The following DAB1 variants were observed in gnomAD, a reference collection of about 807,000 sequenced individuals.
DAB1 encodes the protein disabled homolog 1.
In DAB1, 15 loss-of-function variants were observed where a neutral mutation model predicts 64.6. The observed-to-expected ratio is 0.23, with a 90% CI of 0.16 to 0.36. The LOEUF is 0.36. Ranked by LOEUF, DAB1 falls within the 10% of genes least tolerant of loss-of-function variation. DAB1 has a pLI of 1.00. For synonymous variants in DAB1, 235 were observed against 251.9 expected, an observed-to-expected ratio of 0.93 and a Z score of 0.64; for missense variants, 596 against 706.7, an observed-to-expected ratio of 0.84 and a Z score of 1.78.
chr1:57,328,174 G>T (rs1676338400), intron 1 of DAB1, among the ~76,000 whole-genome samples: 1 of 152,214 alleles, frequency 6.6e-6, no homozygotes, highest in Non-Finnish European at 1.5e-5. Context: ...CTTCTGAGAG[G>T]TGGGTAGGTC....
chr1:58,243,456 A>C (rs1246932702), intron 4 of DAB1, among the ~76,000 whole-genome samples: 1 of 152,102 alleles, frequency 6.6e-6, no homozygotes, highest in Non-Finnish European at 1.5e-5. Context: ...TTGCTAAATA[A>C]ATGAAAAGGT....
intron 2 of DAB1, among the ~76,000 whole-genome samples, chr1:57,272,018 A>C (rs1219799146): frequency 6.6e-6 from 1 of 152,230 alleles, no homozygotes; most frequent in Non-Finnish European, 1.5e-5. Context: ...AAGTCTGAAC[A>C]CAGGGAGAAA....
At chr1:58,397,477 G>C (rs1644533101) in intron 3 of DAB1, among the ~76,000 whole-genome samples, 1 of 152,088 alleles carries the variant, frequency 6.6e-6, no homozygotes, top group Non-Finnish European at 1.5e-5. Flanking sequence ...TCAACCCTCA[G>C]ATCTCCCTGA....
chr1:57,354,954 T>C (rs188833459), intron 1 of DAB1, among the ~76,000 whole-genome samples: 13 of 152,282 alleles, frequency 8.5e-5, no homozygotes, highest in African/African-American at 3.1e-4. Context: ...CCATCAGCCC[T>C]GTCTTCTCCA....
intron 4 of DAB1, among the ~76,000 whole-genome samples, chr1:58,177,050 G>T (rs904362512): frequency 1.3e-5 from 2 of 151,668 alleles, no homozygotes; most frequent in Non-Finnish European, 2.9e-5. Flanking sequence ...TGAATTTTTT[G>T]GGGTACAGAC....
intron 1 of DAB1, among the ~76,000 whole-genome samples, chr1:57,306,055 A>T (rs1449969261): frequency 6.6e-6 from 1 of 152,112 alleles, no homozygotes; most frequent in African/African-American, 2.4e-5. Flanking sequence ...TAAGCAGTGT[A>T]TACATTCCCC....
At chr1:57,098,013 G>C (rs1329830236) in intron 4 of DAB1, among the ~76,000 whole-genome samples, 3 of 152,074 alleles carry the variant, frequency 2.0e-5, no homozygotes, top group Non-Finnish European at 4.4e-5. Context: ...TCCTGACCTT[G>C]TGATCTGCCC....
At chr1:57,739,582 G>C (rs1647877982) in intron 6 of DAB1, among the ~76,000 whole-genome samples, 1 of 149,264 alleles carries the variant, frequency 6.7e-6, no homozygotes, top group Non-Finnish European at 1.5e-5. Flanking sequence ...AAACAGCTCA[G>C]CTGGGACTAC....
At chr1:57,848,708 G>T (rs539679828) in intron 1 of DAB1, among the ~76,000 whole-genome samples, 2 of 152,310 alleles carry the variant, frequency 1.3e-5, no homozygotes, top group African/African-American at 4.8e-5. Flanking sequence ...ATAACCTAAG[G>T]TTGAAGAAAC....
At position 58,367,528 on chromosome 1, in the gene DAB1, A is replaced by G. The variant is rs371353493; in HGVS notation, n.258-24125T>C. On this transcript the variant is annotated intron_variant and non_coding_transcript_variant, in intron 3 of 20. Transcript: ENST00000485760. ...ACCTGCTGCTGAATGTCCAATCTAT[A>G]AACAGCAGAGACCAAATCTGAGTGT... Among the ~76,000 whole-genome samples the G allele has an allele frequency of 1.1e-4, 16 of 152,306 alleles. No individual in the cohort carries two copies. The East Asian group carries it at 2.9e-3, about 28-fold the overall frequency.
At chr1:57,982,141 T>A (rs533483071) in intron 5 of DAB1, among the ~76,000 whole-genome samples, 9 of 152,230 alleles carry the variant, frequency 5.9e-5, no homozygotes, top group African/African-American at 2.2e-4. Context: ...TTTCCTCAGG[T>A]GAAGTGGTTT....
At chr1:57,378,578 A>C (rs1470774501) in intron 1 of DAB1, among the ~76,000 whole-genome samples, 2 of 152,242 alleles carry the variant, frequency 1.3e-5, no homozygotes, top group African/African-American at 4.8e-5. Context: ...TTAAGTTATA[A>C]TTCCCTCCAG....
chr1:57,874,699 G>C (rs184425927), intron 1 of DAB1, among the ~76,000 whole-genome samples: 2 of 152,118 alleles, frequency 1.3e-5, no homozygotes, highest in Non-Finnish European at 2.9e-5. Context: ...CTGGGACCAC[G>C]TCCCAGAGGT....
At chr1:58,101,249 G>A (rs942221534) in intron 5 of DAB1, among the ~76,000 whole-genome samples, 1 of 152,164 alleles carries the variant, frequency 6.6e-6, no homozygotes, top group Non-Finnish European at 1.5e-5. Flanking sequence ...CCTAGAAGGC[G>A]GAGCTGGCAG....
intron 4 of DAB1, among the ~76,000 whole-genome samples, chr1:58,152,915 T>C (rs1197857019): frequency 6.6e-6 from 1 of 152,170 alleles, no homozygotes; most frequent in African/African-American, 2.4e-5. Context: ...ACACAGTTAT[T>C]AAATGACAGA....
intron 1 of DAB1, among the ~76,000 whole-genome samples, chr1:57,849,829 G>A (rs1280148719): frequency 1.3e-5 from 2 of 152,186 alleles, no homozygotes; most frequent in Admixed American, 1.3e-4. Context: ...ATAGAGATGT[G>A]TATGTATGTG....
chr1:57,746,582 C>A (rs1298806516), intron 6 of DAB1, among the ~76,000 whole-genome samples: 1 of 152,020 alleles, frequency 6.6e-6, no homozygotes, highest in African/African-American at 2.4e-5. Flanking sequence ...GGTTCCAGGA[C>A]CCCCTAGAAA....
chr1:57,526,916 T>C (rs991537751), intron 7 of DAB1, among the ~76,000 whole-genome samples: 2 of 152,224 alleles, frequency 1.3e-5, no homozygotes, highest in Non-Finnish European at 2.9e-5. Context: ...ATGACTATAT[T>C]ATGAGTATTT....
chr1:58,286,059 T>C (rs535697930), intron 4 of DAB1, among the ~76,000 whole-genome samples: 6 of 151,956 alleles, frequency 3.9e-5, no homozygotes, highest in South Asian at 4.2e-4. Context: ...AAAACAAGCA[T>C]TGGGGAAAGG....
Sources: gnomAD v4.1 joint callset for allele counts (sites outside exome capture counted in the v4.1 genomes callset) on GRCh38, gnomAD v4.1.1 for gene constraint, MANE v1.5 for transcripts, NCBI Gene and HGNC (gene_info 2026-07-23, HGNC 2026-07-21) for gene names.